RNF115: variants seen among roughly 807,000 people sequenced by gnomAD.
The protein encoded by RNF115 is E3 ubiquitin-protein ligase RNF115.
Under a neutral mutation model 39.2 loss-of-function variants are expected in RNF115, and 31 were observed. The observed-to-expected ratio is 0.79, with a 90% CI of 0.59 to 1.07. RNF115 has a LOEUF of 1.07. Ranked by LOEUF, RNF115 falls within the 50% of genes least tolerant of loss-of-function variation. RNF115 has a pLI of 0.00. For missense variants in RNF115, 384 were observed against 381.7 expected, an observed-to-expected ratio of 1.01 and a Z score of -0.05; for synonymous variants, 124 against 131.0, an observed-to-expected ratio of 0.95 and a Z score of 0.37.
At chr1:145,781,093 G>A (rs1648128058) in intron 3 of RNF115, among the ~76,000 whole-genome samples, 1 of 151,918 alleles carries the variant, frequency 6.6e-6, no homozygotes, top group South Asian at 2.1e-4. Flanking sequence ...CATGTAACTG[G>A]CAACCCTCCC....
intron 4 of RNF115, among the ~76,000 whole-genome samples, chr1:145,762,664 C>G (rs1553714030): frequency 6.6e-6 from 1 of 150,942 alleles, no homozygotes; most frequent in East Asian, 1.9e-4. Flanking sequence ...CATACCAAAA[C>G]AAATTTTTTT....
chr1:145,781,533 G>T (rs1648146350), intron 3 of RNF115, among the ~76,000 whole-genome samples: 1 of 152,154 alleles, frequency 6.6e-6, no homozygotes, highest in South Asian at 2.1e-4. Flanking sequence ...ACTTCACTAT[G>T]AAGTCTTAAT....
chr1:145,753,438 C>G (rs1218923389), intron 4 of RNF115, among the ~76,000 whole-genome samples: 1 of 152,030 alleles, frequency 6.6e-6, no homozygotes, highest in Non-Finnish European at 1.5e-5. Context: ...GTATGTTGTA[C>G]ACATTGGGTT....
intron 1 of RNF115, among the ~76,000 whole-genome samples, chr1:145,803,584 C>T (rs1404358274): frequency 6.6e-6 from 1 of 152,164 alleles, no homozygotes; most frequent in Non-Finnish European, 1.5e-5. Context: ...AGATGGGTTT[C>T]ACCACATTGG....
chr1:145,756,814 G>GTGTTCATT, intron 4 of RNF115, among the ~76,000 whole-genome samples: 1 of 139,650 alleles, frequency 7.2e-6, no homozygotes, highest in African/African-American at 2.7e-5. Flanking sequence ...CTGTGTTCAT[G>GTGTTCATT]TCCAAATTTC....
At chr1:145,801,728 C>T (rs1419736569) in intron 1 of RNF115, among the ~76,000 whole-genome samples, 3 of 152,022 alleles carry the variant, frequency 2.0e-5, no homozygotes, top group East Asian at 1.9e-4. Flanking sequence ...AAAATCTTAC[C>T]CCTCAGTAAC....
Position 145,805,089 on chromosome 1 carries a change from A to G in RNF115, c.103-16123T>C, listed in dbSNP as rs57729268. Reference sequence around the variant, plus strand: ...CCATCACCATTTCATTTTAAAAAGTACTATTTTACCATGTACCCACAGAGC... The same window carrying G: ...CCATCACCATTTCATTTTAAAAAGTGCTATTTTACCATGTACCCACAGAGC... On this transcript the variant is annotated intron_variant, in intron 1 of 8. Transcript: ENST00000582693. 5.1e-3 allele frequency among the ~76,000 whole-genome samples: 773 copies of G among 152,270 alleles called. 18 individuals are homozygous for G. The East Asian group carries it at 0.074, about 15-fold the overall frequency.
intron 1 of RNF115, among the ~76,000 whole-genome samples, chr1:145,795,180 T>G (rs1363296747): frequency 1.2e-4 from 18 of 151,942 alleles, no homozygotes; most frequent in East Asian, 1.9e-4. Flanking sequence ...AGTTGGCACG[T>G]CCGGAATTGT....
chr1:145,806,405 GAGA>G (rs748404223), intron 1 of RNF115, among the ~76,000 whole-genome samples: 52 of 151,836 alleles, frequency 3.4e-4, no homozygotes, highest in South Asian at 4.2e-4. Flanking sequence ...AAGCCAAAAG[GAGA>G]AGAAAATATT....
At position 145,801,464 on chromosome 1, in the gene RNF115, C is replaced by T. The variant is rs587641307; in HGVS notation, c.103-12498G>A. Among the ~76,000 whole-genome samples, 93 of 152,130 alleles carry T rather than the reference C, an allele frequency of 6.1e-4. 1 individual carries two copies. The highest frequency in any genetic ancestry group is 2.2e-3 in the African/African-American group (91 of 41,492). On this transcript the variant is annotated intron_variant, in intron 1 of 8. Coordinates refer to ENST00000582693, the MANE Select transcript of RNF115 (RefSeq NM_014455.4). ...CCTGTAATCCCAGCTACTGTGCAGG[C>T]TGAGGCAGGAGAATTGCTTGAACCC... is the stretch of plus-strand genomic sequence containing the variant.
chr1:145,806,248 T>A (rs1227665121), intron 1 of RNF115, among the ~76,000 whole-genome samples: 1 of 152,084 alleles, frequency 6.6e-6, no homozygotes, highest in Non-Finnish European at 1.5e-5. Flanking sequence ...CTCAGGAAGC[T>A]GAAGCAGGAG....
intron 3 of RNF115, chr1:145,773,138 T>C (rs1226531221): frequency 1.3e-5 from 2 of 152,210 alleles, no homozygotes; most frequent in Non-Finnish European, 2.9e-5. Flanking sequence ...ATGGTGTCCT[T>C]TAGCTCTTTG....
intron 3 of RNF115, chr1:145,773,803 T>C (rs200174669): frequency 6.6e-6 from 1 of 152,114 alleles, no homozygotes; most frequent in East Asian, 1.9e-4. Flanking sequence ...TTTTTTTTTT[T>C]CTTTTTTTGG....
intron 4 of RNF115, 52 bp from the exon 5 acceptor site, chr1:145,753,101 T>A (rs1553712750): frequency 8.2e-7 from 1 of 1,220,532 alleles, no homozygotes; most frequent in Non-Finnish European, 1.2e-6. Flanking sequence ...AAAAGTACTC[T>A]ACAGATATCC....
chr1:145,762,970 C>T (rs1241655019), intron 4 of RNF115, among the ~76,000 whole-genome samples: 1 of 151,874 alleles, frequency 6.6e-6, no homozygotes, highest in Non-Finnish European at 1.5e-5. Context: ...CACAAGGACA[C>T]AAAGTAAGGA....
At chr1:145,797,563 G>A (rs147443679) in intron 1 of RNF115, among the ~76,000 whole-genome samples, 72 of 152,152 alleles carry the variant, frequency 4.7e-4, no homozygotes, top group African/African-American at 1.4e-3. Context: ...GGACATCTGC[G>A]TTGTTTTCAC....
chr1:145,756,080 A>G (rs1304499807), intron 4 of RNF115, among the ~76,000 whole-genome samples: 2 of 152,170 alleles, frequency 1.3e-5, no homozygotes, highest in Non-Finnish European at 2.9e-5. Context: ...AAATTAAGAG[A>G]TTTCAAGCAA....
At chr1:145,770,232 T>G (rs1007042826) in intron 4 of RNF115, among the ~76,000 whole-genome samples, 2 of 152,182 alleles carry the variant, frequency 1.3e-5, no homozygotes, top group Admixed American at 6.5e-5. Flanking sequence ...AATTAAACTT[T>G]CTTAGTATGA....
At chr1:145,800,634 C>G (rs1377773113) in intron 1 of RNF115, among the ~76,000 whole-genome samples, 1 of 152,124 alleles carries the variant, frequency 6.6e-6, no homozygotes, top group Non-Finnish European at 1.5e-5. Context: ...ACTGAGACAT[C>G]AGACAAGTAA....
Sources: allele counts gnomAD v4.1 joint callset (sites outside exome capture counted in the v4.1 genomes callset), GRCh38; gene constraint gnomAD v4.1.1; transcripts MANE v1.5; gene names NCBI Gene and HGNC (gene_info 2026-07-23, HGNC 2026-07-21).